The following ROBO1 variants were observed in gnomAD, a reference collection of about 807,000 sequenced individuals.
ROBO1 encodes the protein roundabout homolog 1.
Under a neutral mutation model 195.9 loss-of-function variants are expected in ROBO1, and 149 were observed. The ratio of observed to expected loss-of-function variants is 0.76; its 90% confidence interval spans 0.67 to 0.87. The LOEUF (loss-of-function observed/expected upper bound fraction) is 0.87. Among genes scored for constraint, ROBO1 ranks in the 40% least tolerant of loss-of-function variants. ROBO1 has a pLI of 0.00. For missense variants in ROBO1, 1,933 were observed against 2,068.3 expected, an observed-to-expected ratio of 0.93 and a Z score of 1.27; for synonymous variants, 816 against 733.2, an observed-to-expected ratio of 1.11 and a Z score of -1.82.
At chr3:78,631,411 A>G in intron 24 of ROBO1, 106 bp from the exon 25 acceptor site, 1 of 1,221,894 alleles carries the variant, frequency 8.2e-7, no homozygotes, top group Non-Finnish European at 1.1e-6. Flanking sequence ...ATTCATTTAT[A>G]TATACAGAGA....
intron 2 of ROBO1, among the ~76,000 whole-genome samples, chr3:79,259,950 T>C (rs185697228): frequency 9.1e-4 from 138 of 152,198 alleles, no homozygotes; most frequent in African/African-American, 3.0e-3. Flanking sequence ...TTCAGGCCTC[T>C]GAGACCGGAG....
chr3:78,850,691 G>A (rs1477165754), intron 4 of ROBO1, among the ~76,000 whole-genome samples: 2 of 152,186 alleles, frequency 1.3e-5, no homozygotes, highest in African/African-American at 2.4e-5. Flanking sequence ...CACGAGCACT[G>A]ATGATAGTGG....
chr3:79,598,922 G>A (rs1212947266), intron 1 of ROBO1, among the ~76,000 whole-genome samples: 3 of 152,062 alleles, frequency 2.0e-5, no homozygotes, highest in African/African-American at 7.2e-5. Flanking sequence ...GCCTGTCCAT[G>A]TGACAACTTC....
At chr3:78,879,438 C>T (rs749064705) in intron 4 of ROBO1, among the ~76,000 whole-genome samples, 64 of 151,330 alleles carry the variant, frequency 4.2e-4, no homozygotes, top group South Asian at 2.1e-4. Flanking sequence ...GACCTATATA[C>T]GAGGTTAGGC....
intron 2 of ROBO1, among the ~76,000 whole-genome samples, chr3:79,390,219 G>A (rs147937848): frequency 4.6e-5 from 7 of 152,078 alleles, no homozygotes; most frequent in African/African-American, 1.7e-4. Flanking sequence ...TATTTTATAC[G>A]GTCTGTGTAG....
In ROBO1 at chr3:78,938,732, G is replaced by C. The variant is rs757469885; in HGVS notation, c.368C>G (p.Pro123Arg). The change falls in exon 4 of 31, where the codon CCG becomes CGG. Residue 123 changes from proline to arginine, a missense_variant. By Grantham distance (103) the Pro-to-Arg change is moderately radical. Transcript: ENST00000464233. ...DDPRSHRMLL[P>R]SGSLFFLRIV... Reference sequence around the variant, plus strand: ...ACGTAAGAAAAATAAAGATCCACTCGGCAGCAACATTCGGTGTGAGCGAGG... The same window carrying C: ...ACGTAAGAAAAATAAAGATCCACTCCGCAGCAACATTCGGTGTGAGCGAGG... 2 of 1,613,848 alleles carry C rather than the reference G, an allele frequency of 1.2e-6. No individual in the cohort carries two copies. The highest frequency in any genetic ancestry group is 1.7e-6 in the Non-Finnish European group (2 of 1,179,878).
intron 1 of ROBO1, among the ~76,000 whole-genome samples, chr3:79,732,757 C>A (rs1311016885): frequency 6.6e-6 from 1 of 152,102 alleles, no homozygotes; most frequent in Non-Finnish European, 1.5e-5. Context: ...TTGCTTTTTT[C>A]TACTTTCAGA....
chr3:78,936,492 A>G (rs1024200885), intron 4 of ROBO1, among the ~76,000 whole-genome samples: 1 of 152,100 alleles, frequency 6.6e-6, no homozygotes, highest in Non-Finnish European at 1.5e-5. Flanking sequence ...GGGCTTTGCA[A>G]CTGTGGAATC....
At chr3:79,292,584 G>C (rs2109031711) in intron 2 of ROBO1, among the ~76,000 whole-genome samples, 1 of 152,312 alleles carries the variant, frequency 6.6e-6, no homozygotes, top group Non-Finnish European at 1.5e-5. Flanking sequence ...TTTTTAGCAT[G>C]AAGGGTGTTG....
chr3:78,854,373 C>T (rs1576294249), intron 4 of ROBO1, among the ~76,000 whole-genome samples: 1 of 148,388 alleles, frequency 6.7e-6, no homozygotes, highest in Admixed American at 6.8e-5. Context: ...AATATAAATA[C>T]ATACATATAA....
chr3:78,713,164 T>C (rs1162538128), intron 8 of ROBO1, among the ~76,000 whole-genome samples: 1 of 152,188 alleles, frequency 6.6e-6, no homozygotes, highest in African/African-American at 2.4e-5. Flanking sequence ...AGAAACTCAA[T>C]GTTTGTTCTT....
chr3:78,758,519 C>G (rs980122202), intron 4 of ROBO1, among the ~76,000 whole-genome samples: 1 of 101,068 alleles, frequency 9.9e-6, no homozygotes, highest in Non-Finnish European at 1.8e-5. Context: ...GAGTGAGACC[C>G]TATCTCAAAA....
At position 79,507,827 on chromosome 3, in the gene ROBO1, A is replaced by G. The variant is rs139006141; in HGVS notation, c.88+81997T>C. 7.7e-3 allele frequency: 1,196 copies of G among 154,826 alleles called. 22 individuals are homozygous for G. The highest frequency in any genetic ancestry group is 0.025 in the African/African-American group (1,058 of 41,608). 9.6% of individuals were successfully genotyped at this position (154,826 alleles called of 1,614,324 possible). The stretch of plus-strand genomic sequence containing the variant: ...TTGAAGTCCTAATATTCGGAACCTC[A>G]GAATATTACTGTGTTTGGGTATCAG... On this transcript the variant is annotated intron_variant, in intron 2 of 30. Coordinates refer to ENST00000464233, the MANE Select transcript of ROBO1 (RefSeq NM_002941.4).
chr3:79,722,412 A>G (rs1371545096), intron 1 of ROBO1, among the ~76,000 whole-genome samples: 1 of 152,196 alleles, frequency 6.6e-6, no homozygotes. Context: ...CTTGTACCCA[A>G]AAAAAGTTTA....
chr3:78,952,413 T>C (rs2040838997), intron 3 of ROBO1, among the ~76,000 whole-genome samples: 1 of 151,148 alleles, frequency 6.6e-6, no homozygotes. Flanking sequence ...CCTATATTCT[T>C]AAAAGAGCCT....
At position 78,617,623 on chromosome 3, in the gene ROBO1, G is replaced by A. The variant is rs765856965; in HGVS notation, c.4282+12C>T. 2.5e-6 allele frequency: 4 copies of A among 1,597,398 alleles called. No individual in the cohort carries two copies. In the South Asian group the frequency reaches 3.4e-5, roughly 14 times the overall value. On this transcript the variant is annotated intron_variant, in intron 27 of 30. Coordinates refer to ENST00000464233, the MANE Select transcript of ROBO1 (RefSeq NM_002941.4). Reference sequence around the variant, plus strand: ...TTTCTTTCCCAGCTTGGTGAAAAGTGTTAGGACTCACCAGCAGCATCCTGC... The same window carrying A: ...TTTCTTTCCCAGCTTGGTGAAAAGTATTAGGACTCACCAGCAGCATCCTGC...
At chr3:79,488,834 T>G (rs1031149437) in intron 2 of ROBO1, among the ~76,000 whole-genome samples, 1 of 152,158 alleles carries the variant, frequency 6.6e-6, no homozygotes, top group African/African-American at 2.4e-5. Flanking sequence ...TGTCTACATG[T>G]ATGTGTAAAG....
At position 79,363,002 on chromosome 3, in the gene ROBO1, G is replaced by A. The variant is rs141424479; in HGVS notation, c.88+226822C>T. ...ACTTTCTCCTAGTCAGATTGGAAAG[G>A]GTACATAAGACTGAGTTTTTAAGTG... On this transcript the variant is annotated intron_variant, in intron 2 of 30. Coordinates refer to ENST00000464233, the MANE Select transcript of ROBO1 (RefSeq NM_002941.4). 6.2e-3 allele frequency among the ~76,000 whole-genome samples: 939 copies of A among 152,196 alleles called. 3 individuals carry two copies. The highest frequency in any genetic ancestry group is 0.017 in the Middle Eastern group (5 of 294).
At chr3:79,184,999 A>G (rs1358941277) in intron 2 of ROBO1, among the ~76,000 whole-genome samples, 1 of 152,092 alleles carries the variant, frequency 6.6e-6, no homozygotes, top group Non-Finnish European at 1.5e-5. Flanking sequence ...CTAGCTGTGG[A>G]TATTTGCACA....
Sources: gnomAD v4.1 joint callset for allele counts (sites outside exome capture counted in the v4.1 genomes callset) on GRCh38, gnomAD v4.1.1 for gene constraint, MANE v1.5 for transcripts, NCBI Gene and HGNC (gene_info 2026-07-23, HGNC 2026-07-21) for gene names.